Variants in PLSCR5 observed in about 807,000 individuals in gnomAD.
PLSCR5 encodes phospholipid scramblase family, member 5.
PLSCR5 carries 44 observed loss-of-function variants against 33.6 expected under a neutral mutation model. That is an observed-to-expected ratio of 1.31 (90% CI 1.03 to 1.69). The LOEUF is 1.69. PLSCR5 is among the 40% of genes most tolerant of loss of function. The pLI, the probability that PLSCR5 is intolerant of heterozygous loss-of-function variation, is 0.00. For missense variants in PLSCR5, 375 were observed against 318.7 expected, an observed-to-expected ratio of 1.18 and a Z score of -1.34; for synonymous variants, 148 against 112.3, an observed-to-expected ratio of 1.32 and a Z score of -2.01.
chr3:146,583,078 A>T (rs2044643057), downstream of PLSCR5, among the ~76,000 whole-genome samples: 1 of 152,014 alleles, frequency 6.6e-6, no homozygotes, highest in Admixed American at 6.6e-5. Context: ...CCTAGCCTTC[A>T]AATGTTCAGG....
chr3:146,589,792 A>C lies in PLSCR5; in HGVS notation c.638T>G (p.Leu213Arg). 6.4e-7 allele frequency: 1 copy of C among 1,554,030 alleles called. No homozygotes were observed. Among genetic ancestry groups the C allele is most frequent in the Non-Finnish European group, 8.8e-7 (1 of 1,137,928 alleles). Residue 213 changes from leucine to arginine, a missense_variant, in exon 6 of 8, where the codon CTT becomes CGT. Physicochemically the swap from Leu to Arg is moderately radical, Grantham distance 102. Transcript: ENST00000443512. ...DFEVKTINEK[L>R]TIGKISKYWS... The stretch of plus-strand genomic sequence containing the variant: ...GTACTTTGAAATCTTCCCAATTGTA[A>C]GCTTTTCATTAATGGTTTTCACCTT...
In PLSCR5 at chr3:146,586,025, C is replaced by A; in HGVS notation, c.*44+5G>T. Reference sequence around the variant, plus strand: ...AGAGATCATTTAAACTTGCTTTTTACTTACTGAAATATGTTCTGCATATTT... The same window carrying A: ...AGAGATCATTTAAACTTGCTTTTTAATTACTGAAATATGTTCTGCATATTT... On this transcript the variant is annotated splice_donor_5th_base_variant and intron_variant, in intron 7 of 7. Coordinates refer to ENST00000443512, the MANE Select transcript of PLSCR5 (RefSeq NM_001085420.2). The A allele has an allele frequency of 6.9e-7, 1 of 1,448,700 alleles. No homozygotes were observed. Among genetic ancestry groups the A allele is most frequent in the Non-Finnish European group, 9.1e-7 (1 of 1,093,126 alleles). 89.7% of individuals were successfully genotyped at this position (1,448,700 alleles called of 1,614,324 possible).
chr3:146,604,920 TC>T (rs1257139502), intron 1 of PLSCR5, among the ~76,000 whole-genome samples: 1 of 152,148 alleles, frequency 6.6e-6, no homozygotes, highest in Non-Finnish European at 1.5e-5. Flanking sequence ...AGATTCCCAT[TC>T]TAAACTTTGC....
chr3:146,594,573 A>G, intron 3 of PLSCR5, among the ~76,000 whole-genome samples: 1 of 152,060 alleles, frequency 6.6e-6, no homozygotes. Flanking sequence ...ATTTTTATAT[A>G]TATTTAGGCA....
chr3:146,604,876 T>C (rs2044851252), intron 1 of PLSCR5, among the ~76,000 whole-genome samples: 1 of 152,178 alleles, frequency 6.6e-6, no homozygotes. Context: ...CTTTTAAACT[T>C]AAAATATCAC....
At chr3:146,577,877 T>C (rs538625752) in intron 7 of PLSCR5, among the ~76,000 whole-genome samples, 4 of 152,266 alleles carry the variant, frequency 2.6e-5, no homozygotes, top group African/African-American at 7.2e-5. Context: ...GTTGCTGCCA[T>C]CTGCAGCATG....
chr3:146,600,886 A>T (rs1428005129), intron 1 of PLSCR5, among the ~76,000 whole-genome samples: 1 of 148,498 alleles, frequency 6.7e-6, no homozygotes, highest in Non-Finnish European at 1.5e-5. Context: ...TATATATTAT[A>T]TAACTATATA....
intron 1 of PLSCR5, among the ~76,000 whole-genome samples, chr3:146,602,862 G>C (rs1333715683): frequency 6.6e-6 from 1 of 152,072 alleles, no homozygotes. Context: ...AATGCACTTG[G>C]AGCTCAGAGG....
rs757174625 is a variant in PLSCR5, at chr3:146,591,892, A to T, written c.454-11T>A. On this transcript the variant is annotated splice_polypyrimidine_tract_variant and intron_variant, in intron 4 of 7. Transcript: ENST00000443512. Reference sequence around the variant, plus strand: ...GGCTTGGATTTCTAACTGTAAGAAGAGATAATGATAAAATAAGATTTTCTT... The same window carrying T: ...GGCTTGGATTTCTAACTGTAAGAAGTGATAATGATAAAATAAGATTTTCTT... 1 of 1,565,524 alleles carries T rather than the reference A, an allele frequency of 6.4e-7. No individual in the cohort carries two copies. The highest frequency in any genetic ancestry group is 8.7e-7 in the Non-Finnish European group (1 of 1,156,064).
intron 4 of PLSCR5, among the ~76,000 whole-genome samples, chr3:146,592,645 T>C (rs570067314): frequency 6.6e-6 from 1 of 152,284 alleles, no homozygotes; most frequent in East Asian, 1.9e-4. Context: ...TGCATATGTC[T>C]ATAATGTTCT....
chr3:146,585,442 C>T (rs954595625), downstream of PLSCR5, among the ~76,000 whole-genome samples: 1 of 152,050 alleles, frequency 6.6e-6, no homozygotes, highest in Admixed American at 6.6e-5. Flanking sequence ...GTAACTGTGC[C>T]TCTTACCACT....
intron 2 of PLSCR5, 56 bp downstream of exon 2, chr3:146,600,232 G>T: frequency 8.2e-7 from 1 of 1,221,842 alleles, no homozygotes; most frequent in Non-Finnish European, 1.0e-6. Context: ...CAGAAAGAAA[G>T]TTTGTATTAA....
In PLSCR5 at chr3:146,600,471, A is replaced by G. The variant is rs1206301141; in HGVS notation, c.14-8T>C. ...TTCTTTGGTTCTGGGCATCTGCAAG[A>G]GAATGGAAATCCCAATCCATATTTA... On this transcript the variant is annotated splice_polypyrimidine_tract_variant and splice_region_variant and intron_variant, in intron 1 of 7. Coordinates refer to ENST00000443512, the MANE Select transcript of PLSCR5 (RefSeq NM_001085420.2). The G allele has an allele frequency of 6.4e-7, 1 of 1,567,370 alleles. No individual in the cohort carries two copies. The highest frequency in any genetic ancestry group is 2.3e-5 in the East Asian group (1 of 42,800).
downstream of PLSCR5, among the ~76,000 whole-genome samples, chr3:146,582,040 C>T (rs1169477294): frequency 6.6e-6 from 1 of 152,170 alleles, no homozygotes. Context: ...ATTTCAATGA[C>T]TAAAACTGAA....
chr3:146,602,710 A>G (rs2044829074), intron 1 of PLSCR5, among the ~76,000 whole-genome samples: 1 of 152,130 alleles, frequency 6.6e-6, no homozygotes, highest in South Asian at 2.1e-4. Context: ...TGTTAAAGGG[A>G]TTCACAAATT....
At chr3:146,589,924 C>G in intron 5 of PLSCR5, 110 bp from the exon 6 acceptor site, 2 of 648,282 alleles carry the variant, frequency 3.1e-6, no homozygotes, top group Non-Finnish European at 4.8e-6. Flanking sequence ...TTGTCATCTT[C>G]AAAATGACAA....
In PLSCR5 at chr3:146,600,289, T is replaced by C. The variant is rs1329846420; in HGVS notation, c.188A>G (p.Gln63Arg). The change falls in exon 2 of 8, where the codon CAG becomes CGG. Residue 63 changes from glutamine to arginine, a missense_variant and splice_region_variant. Physicochemically the swap from Gln to Arg is conservative, Grantham distance 43. Coordinates refer to ENST00000443512, the MANE Select transcript of PLSCR5 (RefSeq NM_001085420.2). ...GTAGTAATAGAAAGATAAAAACACC[T>C]GGCTTAAATATTCTAGACCAGGAGG... is the stretch of plus-strand genomic sequence containing the variant. ...SLPPGLEYLSQLDLIIIHQQV... is the reference protein window; with the variant it reads ...SLPPGLEYLSRLDLIIIHQQV... 8 of 1,561,740 alleles carry C rather than the reference T, an allele frequency of 5.1e-6. No homozygotes were observed. The highest frequency in any genetic ancestry group is 7.0e-6 in the Non-Finnish European group (8 of 1,151,020).
intron 1 of PLSCR5, among the ~76,000 whole-genome samples, chr3:146,603,422 T>C (rs761742903): frequency 6.6e-6 from 1 of 152,148 alleles, no homozygotes; most frequent in Non-Finnish European, 1.5e-5. Context: ...AAGTCTCTAA[T>C]AGGTGTTTTA....
At chr3:146,593,410 T>C (rs1218760974) in intron 4 of PLSCR5, among the ~76,000 whole-genome samples, 4 of 152,146 alleles carry the variant, frequency 2.6e-5, no homozygotes, top group Non-Finnish European at 5.9e-5. Context: ...TATATTAAAA[T>C]AAAATAATTG....
Sources: gnomAD v4.1 joint callset for allele counts (sites outside exome capture counted in the v4.1 genomes callset) on GRCh38, gnomAD v4.1.1 for gene constraint, MANE v1.5 for transcripts, NCBI Gene and HGNC (gene_info 2026-07-23, HGNC 2026-07-21) for gene names.